DAPK2: variants seen among roughly 807,000 people sequenced by gnomAD.
DAPK2 encodes the protein death-associated protein kinase 2.
In DAPK2, 35 loss-of-function variants were observed where a neutral mutation model predicts 44.1. The ratio of observed to expected loss-of-function variants is 0.79; its 90% confidence interval spans 0.61 to 1.05. The LOEUF (loss-of-function observed/expected upper bound fraction) is 1.05, where lower values mean the gene tolerates loss of function less well. DAPK2 is among the 50% of genes least tolerant of loss of function. The pLI is 0.00. For synonymous variants in DAPK2, 174 were observed against 182.6 expected (o/e 0.95, Z 0.38); for missense variants, 453 against 483.2 (o/e 0.94, Z 0.59).
intron 2 of DAPK2, among the ~76,000 whole-genome samples, chr15:63,975,160 G>T (rs2140780357): frequency 6.6e-6 from 1 of 152,266 alleles, no homozygotes; most frequent in Admixed American, 6.5e-5. Context: ...CACTGGGGCT[G>T]AAATAAAGCC....
intron 2 of DAPK2, among the ~76,000 whole-genome samples, chr15:63,975,203 T>C (rs1348374891): frequency 6.6e-6 from 1 of 152,120 alleles, no homozygotes; most frequent in Non-Finnish European, 1.5e-5. Flanking sequence ...CAGGAAGGGT[T>C]CTAGGCCAAG....
rs866187442 is a variant in DAPK2 at position 63,912,622 on chromosome 15, T to C, written c.859-425A>G. 1.5e-4 allele frequency among the ~76,000 whole-genome samples: 23 copies of C among 152,254 alleles called. No homozygotes were observed. Among genetic ancestry groups the C allele is most frequent in the Middle Eastern group, 3.4e-3 (1 of 294 alleles). On this transcript the variant is annotated intron_variant, in intron 8 of 10. Coordinates refer to ENST00000261891, the Ensembl canonical transcript of DAPK2. This position sits in a 1 kb window ranked among gnomAD's most constrained non-coding sequence, Gnocchi z 4.4. The stretch of plus-strand genomic sequence containing the variant: ...AATTCATACTCCATTAAAAAATAAA[T>C]GGAAGGAAATAAGGGCTTTGATGAA...
intron 2 of DAPK2, among the ~76,000 whole-genome samples, chr15:63,971,923 C>T (rs2078224876): frequency 6.6e-6 from 1 of 152,204 alleles, no homozygotes; most frequent in South Asian, 2.1e-4. Flanking sequence ...TGTTTGCGTT[C>T]CTCCAAGTTC....
intron 3 of DAPK2, among the ~76,000 whole-genome samples, chr15:63,971,209 A>G (rs2078202563): frequency 6.6e-6 from 1 of 152,188 alleles, no homozygotes; most frequent in South Asian, 2.1e-4. Flanking sequence ...AGCTTCTTGC[A>G]GTCAGCTCCA....
intron 8 of DAPK2, among the ~76,000 whole-genome samples, chr15:63,913,132 T>C (rs1448020685): frequency 2.0e-5 from 3 of 152,154 alleles, no homozygotes; most frequent in Non-Finnish European, 4.4e-5. Context: ...ATTCAATTTA[T>C]ATAAAATGTC....
intron 1 of DAPK2, among the ~76,000 whole-genome samples, chr15:63,994,408 GAAAAGGAA>G (rs1391246267): frequency 1.6e-5 from 2 of 128,704 alleles, no homozygotes; most frequent in African/African-American, 5.8e-5. Context: ...AATGTTAAAA[GAAAAGGAA>G]GGAAGGAAGG....
intron 1 of DAPK2, among the ~76,000 whole-genome samples, chr15:64,025,942 T>C (rs1432326700): frequency 6.6e-6 from 1 of 152,230 alleles, no homozygotes; most frequent in Non-Finnish European, 1.5e-5. Context: ...TAAAAGCCAA[T>C]CTTAGCTCCA....
intron 2 of DAPK2, among the ~76,000 whole-genome samples, chr15:63,972,272 G>A (rs749643894): frequency 2.0e-5 from 3 of 152,190 alleles, no homozygotes; most frequent in Admixed American, 2.0e-4. Context: ...GAGTGCTACT[G>A]TAACAGACAC....
At chr15:63,926,061 G>A (rs767623056) in exon 7 of DAPK2, 62 of 1,612,484 alleles carry the variant, frequency 3.8e-5, no homozygotes, top group Middle Eastern at 1.6e-4. Context: ...TTCCTGCTTC[G>A]TGTCTCCCAG....
At chr15:63,922,246 A>G in intron 8 of DAPK2, 1 of 984,546 alleles carries the variant, frequency 1.0e-6, no homozygotes, top group Non-Finnish European at 1.2e-6. Flanking sequence ...TGAAAAATCA[A>G]TGCAAACGAA....
chr15:63,960,819 T>C (rs1474752444), intron 3 of DAPK2, among the ~76,000 whole-genome samples: 4 of 151,310 alleles, frequency 2.6e-5, no homozygotes, highest in Non-Finnish European at 4.4e-5. Flanking sequence ...AGAATGTACA[T>C]TCTGTTGATT....
intron 1 of DAPK2, among the ~76,000 whole-genome samples, chr15:64,025,125 C>G (rs1475459604): frequency 6.6e-6 from 1 of 152,094 alleles, no homozygotes; most frequent in East Asian, 1.9e-4. Flanking sequence ...AAAGAAAATT[C>G]TAGGCAACTT....
intron 1 of DAPK2, among the ~76,000 whole-genome samples, chr15:64,008,714 C>T (rs1245745136): frequency 6.6e-6 from 1 of 152,184 alleles, no homozygotes; most frequent in Non-Finnish European, 1.5e-5. Flanking sequence ...TATTAGAGAA[C>T]ACAGATGCAA....
chr15:64,016,850 A>G (rs28505087), intron 1 of DAPK2, among the ~76,000 whole-genome samples: 337 of 33,438 alleles, frequency 0.01, no homozygotes, highest in African/African-American at 0.016. Context: ...GAAGGAAGGA[A>G]GGAAGGAAGG....
At chr15:63,913,368 A>C (rs950717624) in intron 8 of DAPK2, among the ~76,000 whole-genome samples, 5 of 152,208 alleles carry the variant, frequency 3.3e-5, no homozygotes, top group Non-Finnish European at 5.9e-5. Flanking sequence ...ATTATAACTC[A>C]ATTTTTAAAA....
intron 1 of DAPK2, chr15:63,991,432 T>C (rs2140910278): frequency 4.7e-6 from 2 of 425,888 alleles, no homozygotes; most frequent in Middle Eastern, 6.5e-4. Context: ...TTCATGAGCC[T>C]GTTTCCCCTC....
chr15:64,007,963 G>C (rs1374767934), intron 1 of DAPK2, among the ~76,000 whole-genome samples: 1 of 152,190 alleles, frequency 6.6e-6, no homozygotes, highest in Non-Finnish European at 1.5e-5. Flanking sequence ...AAAATGTCTA[G>C]AACAGGCAAA....
chr15:63,950,572 C>T (rs1177314006), intron 3 of DAPK2, among the ~76,000 whole-genome samples: 3 of 152,010 alleles, frequency 2.0e-5, no homozygotes, highest in Non-Finnish European at 4.4e-5. Flanking sequence ...AAGAAAAAAA[C>T]ACTGTTTTAT....
intron 1 of DAPK2, among the ~76,000 whole-genome samples, chr15:63,995,212 C>T (rs2078921826): frequency 6.6e-6 from 1 of 152,038 alleles, no homozygotes; most frequent in African/African-American, 2.4e-5. Flanking sequence ...GACAGGGTCT[C>T]ACTCTGTAAC....
Sources: gnomAD v4.1 joint callset for allele counts (sites outside exome capture counted in the v4.1 genomes callset) on GRCh38, gnomAD v4.1.1 for gene constraint, Gnocchi (gnomAD v3.1) non-coding constraint, MANE v1.5 for transcripts, NCBI Gene and HGNC (gene_info 2026-07-23, HGNC 2026-07-21) for gene names.